NUP205: variants seen among roughly 807,000 people sequenced by gnomAD.
NUP205 encodes nuclear pore complex protein Nup205.
In NUP205, 76 loss-of-function variants were observed where a neutral mutation model predicts 253.8. The observed-to-expected ratio is 0.30, with a 90% confidence interval of 0.25 to 0.36. The LOEUF (loss-of-function observed/expected upper bound fraction) is 0.36, where lower values mean the gene tolerates loss of function less well. Among genes scored for constraint, NUP205 ranks in the 10% least tolerant of loss-of-function variants. The pLI, the probability that NUP205 is intolerant of heterozygous loss-of-function variation, is 1.00. For synonymous variants in NUP205, 832 were observed against 850.1 expected, an observed-to-expected ratio of 0.98 and a Z score of 0.37; for missense variants, 2,162 against 2,425.5, an observed-to-expected ratio of 0.89 and a Z score of 2.28.
In NUP205 at chr7:135,577,866, C is replaced by A. The variant is rs777856017; in HGVS notation, c.719C>A (p.Pro240His). 1.2e-6 allele frequency: 2 copies of A among 1,613,912 alleles called. No homozygotes were observed. Among genetic ancestry groups the A allele is most frequent in the East Asian group, 2.2e-5 (1 of 44,892 alleles). Residue 240 changes from proline (P) to histidine (H), a missense_variant, in exon 6 of 43, where the codon CCT becomes CAT. Around this residue, in one of 5 missense-constraint regions of NUP205, gnomAD observed 892 missense variants for 957.1 expected, o/e 0.93. Coordinates refer to ENST00000285968, the MANE Select transcript of NUP205 (RefSeq NM_015135.3). ...ESLFAWACQS[P>H]LGKEDTLLLI... is the part of the protein sequence containing the mutation. Reference sequence around the variant, plus strand: ...CTTTTTGCCTGGGCTTGCCAGTCACCTTTAGGCAAAGAAGACACTCTCCTC... The same window carrying A: ...CTTTTTGCCTGGGCTTGCCAGTCACATTTAGGCAAAGAAGACACTCTCCTC...
rs140907362 is a variant in NUP205 at position 135,620,343 on chromosome 7, G to A, written c.4330+455G>A. On this transcript the variant is annotated intron_variant, in intron 30 of 42. Coordinates refer to ENST00000285968, the MANE Select transcript of NUP205 (RefSeq NM_015135.3). The stretch of plus-strand genomic sequence containing the variant: ...GAGGTCAGGAGTTCGAGACCAGCTT[G>A]GCCAATATGGTGAAACCCCATCTCT... Among the ~76,000 whole-genome samples the A allele has an allele frequency of 3.8e-3, 572 of 152,274 alleles. 6 individuals are homozygous for A. Among genetic ancestry groups the A allele is most frequent in the East Asian group, 0.036 (185 of 5,186 alleles).
At chr7:135,583,051 C>T (rs1230326626) in intron 7 of NUP205, among the ~76,000 whole-genome samples, 1 of 152,144 alleles carries the variant, frequency 6.6e-6, no homozygotes, top group Non-Finnish European at 1.5e-5. Context: ...GATCGTGCCA[C>T]TGCACTCCAG....
At chr7:135,570,149 G>A (rs1255197658) in intron 1 of NUP205, among the ~76,000 whole-genome samples, 1 of 150,940 alleles carries the variant, frequency 6.6e-6, no homozygotes, top group African/African-American at 2.4e-5. Context: ...AGCTAATGAA[G>A]TGGTAAAACT....
intron 2 of NUP205, 74 bp from the exon 3 acceptor site, chr7:135,573,580 C>A: frequency 9.4e-7 from 1 of 1,063,348 alleles, no homozygotes; most frequent in Non-Finnish European, 1.4e-6. Flanking sequence ...CATGAATAAG[C>A]TTCTGTAGGT....
intron 1 of NUP205, among the ~76,000 whole-genome samples, chr7:135,564,028 C>CT (rs1265968971): frequency 6.6e-6 from 1 of 151,812 alleles, no homozygotes. Flanking sequence ...ATTGGTCAAA[C>CT]TCAAGACAGA....
At chr7:135,623,671 G>A (rs1433791642) in intron 31 of NUP205, among the ~76,000 whole-genome samples, 1 of 152,146 alleles carries the variant, frequency 6.6e-6, no homozygotes, top group African/African-American at 2.4e-5. Flanking sequence ...TCTTCTTAAT[G>A]GAAAATTATG....
At chr7:135,595,452 G>A (rs936710372) in intron 13 of NUP205, among the ~76,000 whole-genome samples, 1 of 152,158 alleles carries the variant, frequency 6.6e-6, no homozygotes, top group Admixed American at 6.5e-5. Context: ...TTGAACTCCT[G>A]GCTTCAAGTG....
In NUP205 at chr7:135,628,086, C is replaced by T; in HGVS notation, c.4907C>T (p.Ala1636Val). 6.2e-7 allele frequency: 1 copy of T among 1,608,446 alleles called. No homozygotes were observed. The highest frequency in any genetic ancestry group is 8.5e-7 in the Non-Finnish European group (1 of 1,178,208). ...LCQVILTSSM[A>V]QHLQAAGQVL... ...CAGGTCATCCTCACATCTAGTATGG[C>T]CCAGCACTTGCAGGCAGCAGGGCAG... The change falls in exon 34 of 43, where the codon GCC becomes GTC. Residue 1636 changes from alanine (A) to valine (V), a missense_variant. Transcript: ENST00000285968.
At chr7:135,616,789 TC>T in intron 25 of NUP205, 63 bp downstream of exon 25, 1 of 920,784 alleles carries the variant, frequency 1.1e-6, no homozygotes. Flanking sequence ...AAAAAAAACT[TC>T]AAGGGATTAT....
intron 38 of NUP205, 53 bp from the exon 39 acceptor site, chr7:135,643,139 T>C (rs1794945117): frequency 6.6e-7 from 1 of 1,525,832 alleles, no homozygotes; most frequent in African/African-American, 1.4e-5. Context: ...CATTTGAAAT[T>C]CATATGAAAT....
At chr7:135,618,701 G>A in intron 28 of NUP205, 98 bp downstream of exon 28, 3 of 1,068,426 alleles carry the variant, frequency 2.8e-6, no homozygotes, top group Non-Finnish European at 4.0e-6. Context: ...TCGATTGGGA[G>A]TAAAATAGAA....
chr7:135,591,845 A>G (rs1396101951), intron 11 of NUP205, among the ~76,000 whole-genome samples: 1 of 152,214 alleles, frequency 6.6e-6, no homozygotes, highest in African/African-American at 2.4e-5. Context: ...GACAAATCAG[A>G]ATTAATGTAT....
chr7:135,610,789 A>G (rs1238185999), intron 22 of NUP205, among the ~76,000 whole-genome samples: 1 of 152,200 alleles, frequency 6.6e-6, no homozygotes, highest in Admixed American at 6.5e-5. Context: ...ATTGTAGCAA[A>G]GGGAAATGGT....
chr7:135,604,083 C>T (rs534342964), intron 18 of NUP205, among the ~76,000 whole-genome samples: 6 of 152,272 alleles, frequency 3.9e-5, no homozygotes, highest in South Asian at 2.1e-4. Flanking sequence ...CGTCTGAACT[C>T]GATTGACTAT....
intron 25 of NUP205, 41 bp downstream of exon 25, chr7:135,616,767 A>G (rs534107704): frequency 3.3e-6 from 4 of 1,196,318 alleles, no homozygotes; most frequent in Non-Finnish European, 4.6e-6. Context: ...TTTTATAGAC[A>G]TATATTAAAA....
intron 1 of NUP205, among the ~76,000 whole-genome samples, chr7:135,566,045 C>T (rs1180788273): frequency 6.6e-6 from 1 of 152,148 alleles, no homozygotes. Context: ...ATTCTCTAAT[C>T]AAATTCAGAA....
intron 8 of NUP205, among the ~76,000 whole-genome samples, chr7:135,585,571 A>C (rs1009153903): frequency 1.4e-5 from 2 of 147,446 alleles, no homozygotes; most frequent in Non-Finnish European, 3.0e-5. Context: ...TTTTTTTTTG[A>C]GATGGAGTCT....
intron 22 of NUP205, 152 bp from the exon 23 acceptor site, chr7:135,614,007 G>C: frequency 1.9e-6 from 1 of 514,238 alleles, no homozygotes; most frequent in Non-Finnish European, 3.5e-6. Context: ...ATAACTCTGA[G>C]CTTATGTTTT....
chr7:135,570,696 AATT>A (rs1253323170), intron 1 of NUP205, among the ~76,000 whole-genome samples: 1 of 52,496 alleles, frequency 1.9e-5, no homozygotes, highest in African/African-American at 6.2e-5. Context: ...ATATTAATAT[AATT>A]AATTATATTA....
Sources: allele counts gnomAD v4.1 joint callset (sites outside exome capture counted in the v4.1 genomes callset), GRCh38; gene constraint gnomAD v4.1.1; regional missense constraint gnomAD v4.1.1; transcripts MANE v1.5; gene names NCBI Gene and HGNC (gene_info 2026-07-23, HGNC 2026-07-21).